The following ATP8B4 variants were observed in gnomAD, a reference collection of about 807,000 sequenced individuals.
The protein encoded by ATP8B4 is ATPase phospholipid transporting 8B4 (putative).
A neutral mutation model predicts 145.6 loss-of-function variants in ATP8B4; 133 were observed. The ratio of observed to expected loss-of-function variants is 0.91; its 90% confidence interval spans 0.79 to 1.05. The LOEUF (loss-of-function observed/expected upper bound fraction) is 1.05. ATP8B4 is among the 50% of genes least tolerant of loss of function. ATP8B4 has a pLI of 0.00. For missense variants in ATP8B4, 1,458 were observed against 1,425.2 expected (o/e 1.02, Z -0.37); for synonymous variants, 507 against 492.9 (o/e 1.03, Z -0.38).
intron 2 of ATP8B4, among the ~76,000 whole-genome samples, chr15:50,091,052 T>C (rs554407117): frequency 1.3e-5 from 2 of 152,276 alleles, no homozygotes; most frequent in South Asian, 4.1e-4. Flanking sequence ...AATAGCACAT[T>C]TGAGATTACC....
chr15:50,037,496 G>C (rs534967604), intron 6 of ATP8B4, among the ~76,000 whole-genome samples: 3 of 152,328 alleles, frequency 2.0e-5, no homozygotes, highest in Admixed American at 2.0e-4. Flanking sequence ...ATCCATGGGA[G>C]AGAACACATT....
At chr15:49,933,119 G>A (rs2041412915) in intron 15 of ATP8B4, among the ~76,000 whole-genome samples, 3 of 151,768 alleles carry the variant, frequency 2.0e-5, no homozygotes. Context: ...TAAGTTCAAA[G>A]TAAAATGGTC....
intron 3 of ATP8B4, among the ~76,000 whole-genome samples, chr15:50,057,319 T>C (rs2052683435): frequency 6.6e-6 from 1 of 152,174 alleles, no homozygotes; most frequent in Non-Finnish European, 1.5e-5. Context: ...TCAGCACCAT[T>C]TTACAGATGA....
At chr15:49,895,116 T>C (rs1405359948) in intron 23 of ATP8B4, 2 of 152,282 alleles carry the variant, frequency 1.3e-5, no homozygotes, top group Non-Finnish European at 2.9e-5. Context: ...GAAAGGATTT[T>C]AAATCCTCTG....
chr15:49,995,106 G>A (rs1449878448), intron 9 of ATP8B4, among the ~76,000 whole-genome samples: 1 of 152,104 alleles, frequency 6.6e-6, no homozygotes, highest in Non-Finnish European at 1.5e-5. Flanking sequence ...CTGCATCATA[G>A]TGTAGCCTAT....
intron 20 of ATP8B4, among the ~76,000 whole-genome samples, chr15:49,912,396 A>G (rs2039321045): frequency 6.6e-6 from 1 of 152,224 alleles, no homozygotes; most frequent in Non-Finnish European, 1.5e-5. Context: ...GAACAACTAT[A>G]TGCTAACTAA....
chr15:50,005,893 G>T (rs1417463214), intron 7 of ATP8B4, among the ~76,000 whole-genome samples: 1 of 151,904 alleles, frequency 6.6e-6, no homozygotes, highest in Non-Finnish European at 1.5e-5. Flanking sequence ...AGATAAATTT[G>T]TAGAATTAAG....
chr15:50,100,255 C>T (rs2056270249), intron 2 of ATP8B4, among the ~76,000 whole-genome samples: 1 of 152,138 alleles, frequency 6.6e-6, no homozygotes, highest in Non-Finnish European at 1.5e-5. Context: ...AACTTTCTCA[C>T]TGAGATAAAA....
chr15:50,076,241 C>G (rs148661397), intron 2 of ATP8B4, among the ~76,000 whole-genome samples: 22 of 152,270 alleles, frequency 1.4e-4, no homozygotes, highest in African/African-American at 4.8e-4. Context: ...CGCCTGTAAT[C>G]CCAGCACTTT....
intron 14 of ATP8B4, 66 bp downstream of exon 14, chr15:49,961,911 T>G: frequency 7.3e-7 from 1 of 1,361,622 alleles, no homozygotes; most frequent in Non-Finnish European, 1.0e-6. Context: ...TAAAAGTTTA[T>G]CATTTTCTTA....
chr15:50,144,412 G>A (rs1034568723), intron 1 of ATP8B4, among the ~76,000 whole-genome samples: 2 of 152,152 alleles, frequency 1.3e-5, no homozygotes, highest in African/African-American at 2.4e-5. Context: ...TCACAGTTAC[G>A]CATGGCTGGG....
At position 50,109,036 on chromosome 15, in the gene ATP8B4, TC is replaced by T. The variant is rs1313000384; in HGVS notation, c.-42-2029del. Among the ~76,000 whole-genome samples the T allele has an allele frequency of 2.6e-5, 4 of 152,176 alleles. No homozygotes were observed. The South Asian group carries it at 6.2e-4, about 24-fold the overall frequency. On this transcript the variant is annotated intron_variant, in intron 1 of 27. Transcript: ENST00000284509. Reference sequence around the variant, plus strand: ...GACCCCGGCCCCAAAATGTCCTAGATCTGCCTTCCCAAGCTGGAGTGGCTGC... The same window carrying T: ...GACCCCGGCCCCAAAATGTCCTAGATTGCCTTCCCAAGCTGGAGTGGCTGC...
chr15:49,950,619 C>CAAAA (rs748025885), intron 14 of ATP8B4, among the ~76,000 whole-genome samples: 1 of 109,952 alleles, frequency 9.1e-6, no homozygotes, highest in African/African-American at 3.9e-5. Context: ...AACAAACAAA[C>CAAAA]AAAAAAAACA....
chr15:50,072,946 CTCTCTCTCT>C (rs2053861524), intron 3 of ATP8B4, among the ~76,000 whole-genome samples: 1 of 26,342 alleles, frequency 3.8e-5, no homozygotes, highest in Admixed American at 5.9e-4. Context: ...CTCTCTCTCT[CTCTCTCTCT>C]CTCTCTCTCT....
chr15:50,106,796 A>T lies in ATP8B4; in HGVS notation c.28+143T>A, dbSNP rs986969402. On this transcript the variant is annotated intron_variant, in intron 2 of 27. Coordinates refer to ENST00000284509, the MANE Select transcript of ATP8B4 (RefSeq NM_024837.4). ...TGTTTTATACACCCTTTGTAGTTACATGGGTGTATATAATCGTCGAAGTTC... is the reference window on the plus strand; with the variant it reads ...TGTTTTATACACCCTTTGTAGTTACTTGGGTGTATATAATCGTCGAAGTTC... 3.4e-5 allele frequency: 23 copies of T among 684,128 alleles called. No homozygotes were observed. The African/African-American group carries it at 4.2e-4, about 12-fold the overall frequency. 42.4% of individuals were successfully genotyped at this position (684,128 alleles called of 1,614,324 possible).
rs116154335 is a variant in ATP8B4, at chr15:49,957,114, T to C, written c.1287+4863A>G. On this transcript the variant is annotated intron_variant, in intron 14 of 27. Transcript: ENST00000284509. ...TTTGGTATTTGAAAACCAAAAAATATCTTTTAAAGCTGCAAATCGACTCAT... is the reference window on the plus strand; with the variant it reads ...TTTGGTATTTGAAAACCAAAAAATACCTTTTAAAGCTGCAAATCGACTCAT... Among the ~76,000 whole-genome samples the C allele has an allele frequency of 3.1e-3, 471 of 152,126 alleles. 2 individuals are homozygous for C. Among genetic ancestry groups the C allele is most frequent in the African/African-American group, 0.011 (460 of 41,524 alleles).
chr15:50,046,713 T>G (rs2051752289), intron 4 of ATP8B4, among the ~76,000 whole-genome samples: 1 of 152,228 alleles, frequency 6.6e-6, no homozygotes, highest in Admixed American at 6.5e-5. Context: ...TATTTATGTG[T>G]GTGTATAGTA....
chr15:50,175,338 A>T (rs2044746248), intron 1 of ATP8B4, among the ~76,000 whole-genome samples: 2 of 152,234 alleles, frequency 1.3e-5, no homozygotes, highest in Non-Finnish European at 2.9e-5. Context: ...CAAAAGGAAC[A>T]GCAGAGTAAA....
chr15:49,934,481 A>T (rs78269024), intron 14 of ATP8B4, among the ~76,000 whole-genome samples: 1 of 152,068 alleles, frequency 6.6e-6, no homozygotes, highest in East Asian at 1.9e-4. Flanking sequence ...AACCACAGAA[A>T]ATGCAAAGTT....
Sources: allele counts gnomAD v4.1 joint callset (sites outside exome capture counted in the v4.1 genomes callset), GRCh38; gene constraint gnomAD v4.1.1; transcripts MANE v1.5; gene names NCBI Gene and HGNC (gene_info 2026-07-23, HGNC 2026-07-21).